Variants in IGF2BP3 observed in about 807,000 individuals in gnomAD.
IGF2BP3 encodes the protein insulin-like growth factor 2 mRNA-binding protein 3.
Under a neutral mutation model 73.8 loss-of-function variants are expected in IGF2BP3, and 9 were observed. The ratio of observed to expected loss-of-function variants is 0.12; its 90% CI spans 0.07 to 0.21. The LOEUF (loss-of-function observed/expected upper bound fraction) is 0.21, where lower values mean the gene tolerates loss of function less well. Ranked by LOEUF, IGF2BP3 falls within the 10% of genes least tolerant of loss-of-function variation. IGF2BP3 has a pLI of 1.00. For synonymous variants in IGF2BP3, 258 were observed against 256.7 expected, an observed-to-expected ratio of 1.01 and a Z score of -0.05; for missense variants, 542 against 714.0, an observed-to-expected ratio of 0.76 and a Z score of 2.75.
chr7:23,320,644 T>TAAA (rs35291021), intron 10 of IGF2BP3, among the ~76,000 whole-genome samples: 19 of 115,316 alleles, frequency 1.6e-4, no homozygotes, highest in Middle Eastern at 4.5e-3. Context: ...TGCTTTTGTT[T>TAAA]AAAAAAAAAA....
intron 10 of IGF2BP3, among the ~76,000 whole-genome samples, chr7:23,335,668 C>T (rs763515109): frequency 6.6e-6 from 1 of 152,160 alleles, no homozygotes; most frequent in African/African-American, 2.4e-5. Flanking sequence ...TAAGATTACA[C>T]TATCATTTTG....
chr7:23,359,808 TA>T (rs1785180887), intron 5 of IGF2BP3, among the ~76,000 whole-genome samples: 1 of 151,974 alleles, frequency 6.6e-6, no homozygotes, highest in South Asian at 2.1e-4. Flanking sequence ...CTACTGAGGG[TA>T]TAAAAGGTAA....
At chr7:23,457,390 G>A (rs907154433) in intron 2 of IGF2BP3, among the ~76,000 whole-genome samples, 5 of 151,892 alleles carry the variant, frequency 3.3e-5, no homozygotes, top group East Asian at 3.9e-4. Context: ...CCTTGAACCC[G>A]GCAGGTGGAG....
At chr7:23,415,747 G>A (rs769902478) in intron 3 of IGF2BP3, among the ~76,000 whole-genome samples, 12 of 152,338 alleles carry the variant, frequency 7.9e-5, no homozygotes, top group South Asian at 6.2e-4. Flanking sequence ...CAAGTCTCTA[G>A]GATCCAAAAC....
At chr7:23,349,990 G>C (rs1784921238) in intron 6 of IGF2BP3, among the ~76,000 whole-genome samples, 1 of 152,286 alleles carries the variant, frequency 6.6e-6, no homozygotes. Flanking sequence ...ACTCCTACAT[G>C]ATGAGGTCAG....
chr7:23,383,670 G>C (rs1196074147), intron 3 of IGF2BP3, among the ~76,000 whole-genome samples: 1 of 152,092 alleles, frequency 6.6e-6, no homozygotes, highest in Non-Finnish European at 1.5e-5. Context: ...GTTCACACAA[G>C]AAATCGTACA....
At chr7:23,361,786 G>A in intron 3 of IGF2BP3, 45 bp from the exon 4 acceptor site, 1 of 1,531,214 alleles carries the variant, frequency 6.5e-7, no homozygotes, top group Non-Finnish European at 8.9e-7. Context: ...AGTTTCCCAA[G>A]TTATTATCAA....
At position 23,469,677 on chromosome 7, in the gene IGF2BP3, C is replaced by G. The variant is rs895621044; in HGVS notation, c.175+259G>C. Among the ~76,000 whole-genome samples, 1 of 151,664 alleles carries G rather than the reference C, an allele frequency of 6.6e-6. No homozygotes were observed. The highest frequency in any genetic ancestry group is 2.4e-5 in the African/African-American group (1 of 41,376). On this transcript the variant is annotated intron_variant, in intron 1 of 14. Transcript: ENST00000258729. This position sits in a 1 kb window ranked among gnomAD's most constrained non-coding sequence, Gnocchi z 6.1. ...GCGCCTCCCCCAGCCCCGCGCCCCCCTTAGCCAGCGCCGGGGCTTTCTTGA... is the reference window on the plus strand; with the variant it reads ...GCGCCTCCCCCAGCCCCGCGCCCCCGTTAGCCAGCGCCGGGGCTTTCTTGA...
intron 12 of IGF2BP3, among the ~76,000 whole-genome samples, chr7:23,317,120 C>T (rs1185871595): frequency 6.6e-6 from 1 of 152,198 alleles, no homozygotes; most frequent in African/African-American, 2.4e-5. Context: ...CCCCAAAGAC[C>T]TCAAATCCCA....
intron 3 of IGF2BP3, among the ~76,000 whole-genome samples, chr7:23,366,174 A>G (rs970983436): frequency 5.3e-5 from 8 of 151,392 alleles, no homozygotes; most frequent in African/African-American, 7.3e-5. Context: ...GTCTCACTCT[A>G]TCACCCAGGC....
intron 3 of IGF2BP3, chr7:23,416,284 T>C (rs1473467241): frequency 6.6e-6 from 1 of 152,258 alleles, no homozygotes; most frequent in Admixed American, 6.5e-5. Context: ...TGCTCCAAGC[T>C]GCTTCACAGG....
intron 11 of IGF2BP3, 51 bp from the exon 12 acceptor site, chr7:23,317,764 G>A (rs1048548510): frequency 2.1e-6 from 3 of 1,425,258 alleles, no homozygotes; most frequent in Non-Finnish European, 3.0e-6. Context: ...TCACTGATAG[G>A]CATCTTGGGC....
intron 3 of IGF2BP3, among the ~76,000 whole-genome samples, chr7:23,375,822 T>C (rs1244301168): frequency 1.3e-5 from 2 of 152,180 alleles, no homozygotes; most frequent in Non-Finnish European, 2.9e-5. Context: ...AAGAGGTAGA[T>C]TCCAAAGTCA....
intron 3 of IGF2BP3, among the ~76,000 whole-genome samples, chr7:23,395,128 CTTCT>C (rs917680507): frequency 1.3e-5 from 2 of 152,156 alleles, no homozygotes; most frequent in African/African-American, 4.8e-5. Context: ...ATGTTTCTGA[CTTCT>C]TTGTGACTCA....
chr7:23,383,989 G>C lies in IGF2BP3; in HGVS notation c.286-22248C>G, dbSNP rs909436223. Among the ~76,000 whole-genome samples the C allele has an allele frequency of 1.3e-5, 2 of 151,442 alleles. 1 individual carries two copies. The highest frequency in any genetic ancestry group is 3.9e-4 in the East Asian group (2 of 5,154). On this transcript the variant is annotated intron_variant, in intron 3 of 14. Transcript: ENST00000258729. ...TGGGCGCCTGTAGTCCCAGCTACTC[G>C]GGAGGCTGAGGCAGGACAATGGCAT...
intron 2 of IGF2BP3, among the ~76,000 whole-genome samples, chr7:23,446,417 G>T (rs1788066345): frequency 6.6e-6 from 1 of 151,986 alleles, no homozygotes; most frequent in Non-Finnish European, 1.5e-5. Context: ...CAAAAAATTA[G>T]CTGGGCATGG....
At chr7:23,321,437 C>T (rs1019167273) in intron 10 of IGF2BP3, among the ~76,000 whole-genome samples, 7 of 152,192 alleles carry the variant, frequency 4.6e-5, no homozygotes, top group East Asian at 1.9e-4. Context: ...CACGGAGTCT[C>T]GCTGATTGCT....
chr7:23,467,356 T>A (rs1389531798), intron 2 of IGF2BP3, among the ~76,000 whole-genome samples: 1 of 152,126 alleles, frequency 6.6e-6, no homozygotes, highest in Non-Finnish European at 1.5e-5. Context: ...CAGCACACAC[T>A]CTCTCACCAA....
rs560458955 is a variant in IGF2BP3 at position 23,369,149 on chromosome 7, C to T, written c.286-7408G>A. 9.2e-5 allele frequency among the ~76,000 whole-genome samples: 14 copies of T among 152,274 alleles called. No individual in the cohort carries two copies. The South Asian group carries it at 2.7e-3, about 29-fold the overall frequency. On this transcript the variant is annotated intron_variant, in intron 3 of 14. Coordinates refer to ENST00000258729, the MANE Select transcript of IGF2BP3 (RefSeq NM_006547.3). ...TGTGACAAAATGGTGATTTGTTCTTCAGTTGCCATGGATCCCCAGGTTGCA... is the reference window on the plus strand; with the variant it reads ...TGTGACAAAATGGTGATTTGTTCTTTAGTTGCCATGGATCCCCAGGTTGCA...
Sources: allele counts gnomAD v4.1 joint callset (sites outside exome capture counted in the v4.1 genomes callset), GRCh38; gene constraint gnomAD v4.1.1; non-coding constraint Gnocchi (gnomAD v3.1); transcripts MANE v1.5; gene names NCBI Gene and HGNC (gene_info 2026-07-23, HGNC 2026-07-21).